MLLT10: variants seen among roughly 807,000 people sequenced by gnomAD.
The protein encoded by MLLT10 is MLLT10 histone lysine methyltransferase DOT1L cofactor.
A neutral mutation model predicts 129.1 loss-of-function variants in MLLT10; 30 were observed. The observed-to-expected ratio is 0.23, with a 90% CI of 0.17 to 0.32. The LOEUF is 0.32. Among genes scored for constraint, MLLT10 ranks in the 10% least tolerant of loss-of-function variants. The probability of loss-of-function intolerance (pLI) is 1.00; values close to 1 mark genes in which losing one functional copy is unlikely to be tolerated. For synonymous variants in MLLT10, 490 were observed against 446.4 expected (o/e 1.10, Z -1.23); for missense variants, 1,119 against 1,268.3 (o/e 0.88, Z 1.79).
rs555212733 is a variant in MLLT10 at position 21,568,730 on chromosome 10, C to T, written c.241-17564C>T. On this transcript the variant is annotated intron_variant, in intron 3 of 22. Transcript: ENST00000307729. ...TTGGCTCACTGCAAACTCCGCCTCC[C>T]GGGTTCAAGCAGTTCTCTGCCTCAG... 3.9e-5 allele frequency among the ~76,000 whole-genome samples: 6 copies of T among 152,148 alleles called. No individual in the cohort carries two copies. In the East Asian group the frequency reaches 5.8e-4, roughly 15 times the overall value.
intron 3 of MLLT10, among the ~76,000 whole-genome samples, chr10:21,578,537 C>T (rs1406161886): frequency 6.6e-6 from 1 of 151,996 alleles, no homozygotes; most frequent in Admixed American, 6.6e-5. Context: ...GTTGTTTAAC[C>T]GAGTCCTAAA....
intron 3 of MLLT10, among the ~76,000 whole-genome samples, chr10:21,580,238 T>C (rs2041255964): frequency 6.6e-6 from 1 of 152,018 alleles, no homozygotes; most frequent in Non-Finnish European, 1.5e-5. Context: ...TTATTATAGG[T>C]TTATCTTCAG....
intron 16 of MLLT10, among the ~76,000 whole-genome samples, chr10:21,728,939 TA>T (rs1189708295): frequency 6.6e-6 from 1 of 151,832 alleles, no homozygotes; most frequent in Non-Finnish European, 1.5e-5. Flanking sequence ...ATTGCTGATA[TA>T]TTTGGGGAAT....
intron 9 of MLLT10, among the ~76,000 whole-genome samples, chr10:21,655,496 C>G (rs1230071551): frequency 6.6e-6 from 1 of 151,942 alleles, no homozygotes; most frequent in African/African-American, 2.4e-5. Context: ...GAATAGTTTT[C>G]ACGTGTTATG....
At chr10:21,731,749 C>T (rs547055598) in intron 17 of MLLT10, among the ~76,000 whole-genome samples, 3 of 151,816 alleles carry the variant, frequency 2.0e-5, no homozygotes, top group African/African-American at 2.4e-5. Context: ...GTATTAGGGC[C>T]GTGGGTGTAA....
At chr10:21,704,009 G>GTTTTTTTTTTTT (rs1374584060) in intron 13 of MLLT10, among the ~76,000 whole-genome samples, 3 of 49,306 alleles carry the variant, frequency 6.1e-5, no homozygotes, top group South Asian at 8.3e-4. Context: ...GATTTCGATT[G>GTTTTTTTTTTTT]TTTTTTGTTT....
chr10:21,666,667 A>T (rs1411302304), intron 9 of MLLT10, among the ~76,000 whole-genome samples: 2 of 151,538 alleles, frequency 1.3e-5, no homozygotes, highest in Non-Finnish European at 3.0e-5. Context: ...GTCTCAAAAA[A>T]AAAAAATAAA....
At chr10:21,533,971 G>T (rs535875852), upstream of MLLT10, among the ~76,000 whole-genome samples, 63 of 152,030 alleles carry the variant, frequency 4.1e-4, no homozygotes, top group African/African-American at 1.5e-3. Flanking sequence ...GCTCACACGC[G>T]GCCCGCGCCA....
chr10:21,638,582 C>G lies in MLLT10; in HGVS notation c.700-13091C>G, dbSNP rs904914057. On this transcript the variant is annotated intron_variant, in intron 8 of 22. Transcript: ENST00000307729. ...TCTGGCTGAGCACGGTGGCTTATGC[C>G]TGTAATCCCAACATTTTGAGAGGCT... Among the ~76,000 whole-genome samples the G allele has an allele frequency of 1.5e-4, 23 of 152,104 alleles. 1 individual carries two copies. Among genetic ancestry groups the G allele is most frequent in the African/African-American group, 1.2e-4 (5 of 41,410 alleles).
chr10:21,740,069 C>T lies in MLLT10; in HGVS notation c.2995C>T (p.His999Tyr), dbSNP rs752212711. 5.9e-5 allele frequency: 95 copies of T among 1,613,340 alleles called. No individual in the cohort carries two copies. Among genetic ancestry groups the T allele is most frequent in the Non-Finnish European group, 7.2e-5 (85 of 1,179,702 alleles). ...QAFLYQLMQH[H>Y]HQQHHQPELQ... Reference sequence around the variant, plus strand: ...CTTTTTGTATCAGTTAATGCAACATCACCACCAGCAGCACCACCAACCTGA... The same window carrying T: ...CTTTTTGTATCAGTTAATGCAACATTACCACCAGCAGCACCACCAACCTGA... Residue 999 changes from histidine (H) to tyrosine (Y), a missense_variant, in exon 22 of 23, where the codon CAC (histidine) becomes TAC (tyrosine). Coordinates refer to ENST00000307729, the MANE Select transcript of MLLT10 (RefSeq NM_001195626.3).
chr10:21,565,233 A>C (rs1416817588), intron 3 of MLLT10, among the ~76,000 whole-genome samples: 1 of 150,542 alleles, frequency 6.6e-6, no homozygotes, highest in Non-Finnish European at 1.5e-5. Flanking sequence ...TACCTTTTTA[A>C]TTTTTTTTTG....
At chr10:21,673,967 CCTT>C (rs762973685) in intron 11 of MLLT10, 48 bp downstream of exon 11, 4 of 1,419,792 alleles carry the variant, frequency 2.8e-6, no homozygotes, top group Non-Finnish European at 3.8e-6. Flanking sequence ...CCACCACCTC[CCTT>C]CTTCTGTCCC....
chr10:21,595,616 G>A, intron 5 of MLLT10, 176 bp downstream of exon 5: 1 of 491,826 alleles, frequency 2.0e-6, no homozygotes, highest in African/African-American at 1.9e-5. Context: ...GGTCACAGGA[G>A]TACAAAGCAA....
intron 14 of MLLT10, among the ~76,000 whole-genome samples, chr10:21,719,918 A>C (rs1055516139): frequency 1.3e-5 from 2 of 152,226 alleles, no homozygotes; most frequent in Admixed American, 6.5e-5. Context: ...AATTCATGCT[A>C]ACATAGATAA....
intron 8 of MLLT10, among the ~76,000 whole-genome samples, chr10:21,629,978 A>G (rs2046849553): frequency 6.6e-6 from 1 of 152,200 alleles, no homozygotes. Flanking sequence ...CAAAAAATTA[A>G]AAAAGAATCT....
intron 22 of MLLT10, among the ~76,000 whole-genome samples, chr10:21,741,715 T>G (rs1833670277): frequency 6.6e-6 from 1 of 152,226 alleles, no homozygotes; most frequent in African/African-American, 2.4e-5. Flanking sequence ...GTCCCTCAGA[T>G]GGGCCCACCT....
At chr10:21,688,017 CTTGAAGAT>C (rs2053476065) in intron 13 of MLLT10, among the ~76,000 whole-genome samples, 1 of 152,172 alleles carries the variant, frequency 6.6e-6, no homozygotes. Flanking sequence ...CTCTTGGTTC[CTTGAAGAT>C]AGGCTTCAAA....
At chr10:21,679,831 G>A (rs1260064985) in intron 11 of MLLT10, among the ~76,000 whole-genome samples, 1 of 152,184 alleles carries the variant, frequency 6.6e-6, no homozygotes, top group African/African-American at 2.4e-5. Flanking sequence ...ATGCACCAAT[G>A]AGCATGAGAG....
intron 9 of MLLT10, among the ~76,000 whole-genome samples, chr10:21,666,965 A>T (rs567000095): frequency 5.3e-5 from 8 of 152,232 alleles, no homozygotes; most frequent in Non-Finnish European, 1.0e-4. Context: ...CATTTCATTT[A>T]TTATTTGTCT....
Sources: gnomAD v4.1 joint callset for allele counts (sites outside exome capture counted in the v4.1 genomes callset) on GRCh38, gnomAD v4.1.1 for gene constraint, MANE v1.5 for transcripts, NCBI Gene and HGNC (gene_info 2026-07-23, HGNC 2026-07-21) for gene names.